The following SCUBE1 variants were observed in gnomAD, a reference collection of about 807,000 sequenced individuals.
SCUBE1 encodes the protein signal peptide, CUB and EGF-like domain-containing protein 1.
SCUBE1 carries 59 observed loss-of-function variants against 124.4 expected under a neutral mutation model. The observed-to-expected ratio is 0.47, with a 90% confidence interval of 0.38 to 0.59. The LOEUF (loss-of-function observed/expected upper bound fraction) is 0.59, where lower values mean the gene tolerates loss of function less well. Among genes scored for constraint, SCUBE1 ranks in the 20% least tolerant of loss-of-function variants. The pLI is 0.00. For missense variants in SCUBE1, 1,150 were observed against 1,371.2 expected (o/e 0.84, Z 2.55); for synonymous variants, 545 against 550.9 (o/e 0.99, Z 0.15).
At chr22:43,272,073 A>C (rs989944930) in intron 4 of SCUBE1, among the ~76,000 whole-genome samples, 1 of 152,126 alleles carries the variant, frequency 6.6e-6, no homozygotes, top group African/African-American at 2.4e-5. Context: ...CTCACACCTC[A>C]TCAGCCCTGG....
chr22:43,205,884 C>T (rs1921238277), intron 21 of SCUBE1, among the ~76,000 whole-genome samples: 1 of 120,402 alleles, frequency 8.3e-6, no homozygotes. Context: ...ACCCACCACA[C>T]ACCCCTCACC....
chr22:43,256,924 T>C (rs978619424), intron 6 of SCUBE1, among the ~76,000 whole-genome samples: 22 of 152,308 alleles, frequency 1.4e-4, no homozygotes, highest in Admixed American at 1.1e-3. Context: ...TTTTAATTGG[T>C]TGGTTGATTT....
In SCUBE1 at chr22:43,208,214, C is replaced by T. The variant is rs767112692; in HGVS notation, c.2592G>A (p.Thr864=). ...VLVMRKSASP[T]SITTYETCQT... Reference sequence around the variant, plus strand: ...GGCAGGTCTCATAGGTGGTGATGGACGTGGGAGAGGCTGCGGGTGAAGCAT... The same window carrying T: ...GGCAGGTCTCATAGGTGGTGATGGATGTGGGAGAGGCTGCGGGTGAAGCAT... Residue 864 remains threonine (T), a synonymous_variant, in exon 20 of 22, where the codon ACG becomes ACA. Transcript: ENST00000360835. 2.3e-5 allele frequency: 37 copies of T among 1,613,852 alleles called. No homozygotes were observed. Among genetic ancestry groups the T allele is most frequent in the South Asian group, 1.3e-4 (12 of 91,090 alleles).
chr22:43,237,184 A>T (rs1201756060), intron 7 of SCUBE1, among the ~76,000 whole-genome samples: 1 of 152,134 alleles, frequency 6.6e-6, no homozygotes, highest in Non-Finnish European at 1.5e-5. Context: ...CCAGAACCAG[A>T]GTGGGAGGAA....
Position 43,210,259 on chromosome 22 carries a change from G to C in SCUBE1, c.2384-19C>G. ...TGCTGGTCTGTGGGCACAGTGGCCCGAGGGCCTCATCAGGCTCTGCTGGGC... is the reference window on the plus strand; with the variant it reads ...TGCTGGTCTGTGGGCACAGTGGCCCCAGGGCCTCATCAGGCTCTGCTGGGC... On this transcript the variant is annotated intron_variant, in intron 18 of 21. Coordinates refer to ENST00000360835, the MANE Select transcript of SCUBE1 (RefSeq NM_173050.5). This position sits in a 1 kb window ranked among gnomAD's most constrained non-coding sequence, Gnocchi z 4.5. The C allele has an allele frequency of 6.7e-7, 1 of 1,500,748 alleles. No homozygotes were observed. Among genetic ancestry groups the C allele is most frequent in the Non-Finnish European group, 8.9e-7 (1 of 1,127,748 alleles). The allele number at this position is 1,500,748 out of a possible 1,614,324, so 93.0% of individuals were successfully genotyped here. A position where few individuals can be genotyped will look rare whatever the true frequency, so the allele number is the denominator to read the frequency against.
chr22:43,237,209 G>A (rs902651427), intron 7 of SCUBE1, among the ~76,000 whole-genome samples: 2 of 152,146 alleles, frequency 1.3e-5, no homozygotes, highest in African/African-American at 4.8e-5. Flanking sequence ...GTGTCCCTTG[G>A]GCTACCGAGG....
At chr22:43,213,878 G>C (rs1921681541) in intron 16 of SCUBE1, among the ~76,000 whole-genome samples, 1 of 152,160 alleles carries the variant, frequency 6.6e-6, no homozygotes, top group African/African-American at 2.4e-5. Context: ...TGCAGGCCGG[G>C]ACTGCTGACG....
In SCUBE1 at chr22:43,280,737, C is replaced by A. The variant is rs144114034; in HGVS notation, c.484+10309G>T. Among the ~76,000 whole-genome samples, 506 of 59,418 alleles carry A rather than the reference C, an allele frequency of 8.5e-3. 2 individuals carry two copies. Among genetic ancestry groups the A allele is most frequent in the East Asian group, 0.032 (30 of 942 alleles). The allele number at this position is 59,418 out of a possible 152,430, so 39.0% of individuals were successfully genotyped here. On this transcript the variant is annotated intron_variant, in intron 4 of 21. Transcript: ENST00000360835. The stretch of plus-strand genomic sequence containing the variant: ...CGGCCACCCTCCTGTCACCTTCCTC[C>A]TCGGCCACCCTCCTGTCACCTCCCT...
chr22:43,309,021 G>T (rs1926079098), intron 3 of SCUBE1, among the ~76,000 whole-genome samples: 1 of 152,262 alleles, frequency 6.6e-6, no homozygotes, highest in Non-Finnish European at 1.5e-5. Context: ...AGAGCATTTG[G>T]CAGGTGGGGA....
chr22:43,311,328 G>A (rs2146774785), intron 3 of SCUBE1, among the ~76,000 whole-genome samples: 1 of 152,122 alleles, frequency 6.6e-6, no homozygotes, highest in Non-Finnish European at 1.5e-5. Context: ...TGAAAACCAT[G>A]TCTGGCATAT....
At chr22:43,298,997 A>G (rs1341160210) in intron 3 of SCUBE1, among the ~76,000 whole-genome samples, 1 of 150,982 alleles carries the variant, frequency 6.6e-6, no homozygotes, top group Admixed American at 6.6e-5. Context: ...GCTTGCAGTG[A>G]GCCAGACCGC....
At chr22:43,247,149 A>G (rs947028426) in intron 6 of SCUBE1, among the ~76,000 whole-genome samples, 1 of 152,224 alleles carries the variant, frequency 6.6e-6, no homozygotes, top group Non-Finnish European at 1.5e-5. Flanking sequence ...TGCCCTAGTG[A>G]CATGCTCATG....
Position 43,198,672 on chromosome 22 carries a change from C to A in SCUBE1, c.*5325G>T, listed in dbSNP as rs1322785192. On this transcript the variant is annotated 3_prime_UTR_variant, in exon 22 of 22. Transcript: ENST00000360835. ...GGACCTCAATGTCAGGTGCAGTTTGCCAGGGTGACCAGACTTCCTGAGCAT... is the reference window on the plus strand; with the variant it reads ...GGACCTCAATGTCAGGTGCAGTTTGACAGGGTGACCAGACTTCCTGAGCAT... 1 of 456,706 alleles carries A rather than the reference C, an allele frequency of 2.2e-6. No individual in the cohort carries two copies. The highest frequency in any genetic ancestry group is 1.5e-5 in the South Asian group (1 of 64,566). 28.3% of individuals were successfully genotyped at this position (456,706 alleles called of 1,614,324 possible). A position where few individuals can be genotyped will look rare whatever the true frequency, so the allele number is the denominator to read the frequency against.
intron 7 of SCUBE1, among the ~76,000 whole-genome samples, chr22:43,236,295 C>A (rs1329219481): frequency 6.6e-6 from 1 of 152,238 alleles, no homozygotes; most frequent in Non-Finnish European, 1.5e-5. Flanking sequence ...GTTTCTCAGG[C>A]TCCCTGAGGT....
intron 3 of SCUBE1, among the ~76,000 whole-genome samples, chr22:43,311,457 G>A (rs1471891650): frequency 7.2e-6 from 1 of 139,144 alleles, no homozygotes; most frequent in African/African-American, 2.7e-5. Flanking sequence ...GTCTCACTCT[G>A]TCGCCCAGGC....
chr22:43,220,777 G>T (rs751092652), intron 13 of SCUBE1, among the ~76,000 whole-genome samples, 190 bp from the exon 14 acceptor site: 1 of 152,186 alleles, frequency 6.6e-6, no homozygotes, highest in Non-Finnish European at 1.5e-5. Context: ...CAGGTCTCAC[G>T]CCCGGTCCAT....
chr22:43,317,561 A>T (rs1926395171), intron 3 of SCUBE1, among the ~76,000 whole-genome samples: 1 of 152,224 alleles, frequency 6.6e-6, no homozygotes, highest in Non-Finnish European at 1.5e-5. Flanking sequence ...GTATCTACGG[A>T]CATGCTCCTG....
intron 4 of SCUBE1, among the ~76,000 whole-genome samples, chr22:43,275,661 T>G (rs571784507): frequency 6.6e-6 from 1 of 152,130 alleles, no homozygotes; most frequent in South Asian, 2.1e-4. Flanking sequence ...TGGGTTTTGA[T>G]GGATGACTAA....
chr22:43,242,396 G>T (rs1161790681), intron 6 of SCUBE1, among the ~76,000 whole-genome samples: 1 of 152,198 alleles, frequency 6.6e-6, no homozygotes, highest in Non-Finnish European at 1.5e-5. Context: ...AAGAAAGCAG[G>T]CCAGGCCGCC....
Sources: allele counts gnomAD v4.1 joint callset (sites outside exome capture counted in the v4.1 genomes callset), GRCh38; gene constraint gnomAD v4.1.1; non-coding constraint Gnocchi (gnomAD v3.1); transcripts MANE v1.5; gene names NCBI Gene and HGNC (gene_info 2026-07-23, HGNC 2026-07-21).